Variants in ACSF2 observed in about 807,000 individuals in gnomAD.
The protein encoded by ACSF2 is medium-chain acyl-CoA ligase ACSF2, mitochondrial.
In ACSF2, 52 loss-of-function variants were observed where a neutral mutation model predicts 79.3. That is an observed-to-expected ratio of 0.66 (90% CI 0.53 to 0.83). ACSF2 has a LOEUF of 0.83. Among genes scored for constraint, ACSF2 ranks in the 40% least tolerant of loss-of-function variants. ACSF2 has a pLI of 0.00. For synonymous variants in ACSF2, 283 were observed against 312.6 expected, an observed-to-expected ratio of 0.91 and a Z score of 1.00; for missense variants, 661 against 803.3, an observed-to-expected ratio of 0.82 and a Z score of 2.14.
chr17:50,429,180 C>T (rs1045069446), intron 1 of ACSF2, among the ~76,000 whole-genome samples: 4 of 152,356 alleles, frequency 2.6e-5, no homozygotes, highest in South Asian at 2.1e-4. Flanking sequence ...TGTATGACCT[C>T]GGGCATGTTA....
chr17:50,461,305 T>G lies in ACSF2; in HGVS notation c.388T>G (p.Trp130Gly), dbSNP rs964662787. ...CTGCAAAGGTGACCGGCTGGGCATG[T>G]GGGGACCTAACTCCTATGCATGGGT... ...GLCKGDRLGM[W>G]GPNSYAWVLM... Residue 130 changes from tryptophan to glycine, a missense_variant, in exon 3 of 16, where the codon TGG becomes GGG. Transcript: ENST00000300441. The G allele has an allele frequency of 9.3e-6, 15 of 1,614,104 alleles. No homozygotes were observed. Among genetic ancestry groups the G allele is most frequent in the Non-Finnish European group, 1.2e-5 (14 of 1,179,996 alleles).
chr17:50,451,688 G>A (rs1013514542), intron 1 of ACSF2, among the ~76,000 whole-genome samples: 2 of 152,212 alleles, frequency 1.3e-5, no homozygotes, highest in Non-Finnish European at 1.5e-5. Context: ...GACCTCTGGT[G>A]ATCTGTTCGC....
intron 1 of ACSF2, among the ~76,000 whole-genome samples, chr17:50,449,010 CTTTTTTTTTT>C (rs1157696530): frequency 9.9e-6 from 1 of 101,242 alleles, no homozygotes; most frequent in African/African-American, 3.8e-5. Flanking sequence ...AATATGTAGT[CTTTTTTTTTT>C]TTTTTTTTTT....
rs1037297612 is a variant in ACSF2, at chr17:50,474,677, T to C, written c.*125T>C. 31 of 1,090,566 alleles carry C rather than the reference T, an allele frequency of 2.8e-5. No homozygotes were observed. The African/African-American group carries it at 4.2e-4, about 15-fold the overall frequency. The allele number at this position is 1,090,566 out of a possible 1,614,324, so 67.6% of individuals were successfully genotyped here. A position where few individuals can be genotyped will look rare whatever the true frequency, so the allele number is the denominator to read the frequency against. On this transcript the variant is annotated 3_prime_UTR_variant, in exon 16 of 16. Transcript: ENST00000300441. The surrounding 1 kb of genome is among the most constrained non-coding windows in gnomAD (Gnocchi z 4.2). Reference sequence around the variant, plus strand: ...GCCAGGCACATCAAATGTCAAGGAATTGACTGAACGAACTAAGAGCTCCTG... The same window carrying C: ...GCCAGGCACATCAAATGTCAAGGAACTGACTGAACGAACTAAGAGCTCCTG...
At chr17:50,427,907 CAG>C (rs934994965) in intron 1 of ACSF2, among the ~76,000 whole-genome samples, 10 of 152,210 alleles carry the variant, frequency 6.6e-5, no homozygotes, top group Admixed American at 5.9e-4. Flanking sequence ...TTTATCCAGA[CAG>C]ATGATTTTCT....
intron 1 of ACSF2, among the ~76,000 whole-genome samples, chr17:50,433,111 CTT>C (rs35016953): frequency 6.3e-5 from 9 of 143,914 alleles, no homozygotes; most frequent in Admixed American, 6.9e-5. Flanking sequence ...TTTTCTTTTT[CTT>C]TTTTTTTTTT....
At position 50,473,918 on chromosome 17, in the gene ACSF2, A is replaced by T. The variant is rs758610234; in HGVS notation, c.1642A>T (p.Met548Leu). ...GGTGGTGGGAGTGAAGGACGATCGG[A>T]TGGGGGAAGAGATTTGTGCCTGCAT... The part of the protein sequence containing the change: ...VQVVGVKDDR[M>L]GEEICACIRL... Residue 548 changes from methionine (M) to leucine (L), a missense_variant, in exon 14 of 16, where the codon ATG (methionine) becomes TTG (leucine). Met to Leu is a conservative substitution (Grantham distance 15). Coordinates refer to ENST00000300441, the MANE Select transcript of ACSF2 (RefSeq NM_025149.6). 4 of 1,582,910 alleles carry T rather than the reference A, an allele frequency of 2.5e-6. No homozygotes were observed. In the South Asian group the frequency reaches 3.5e-5, roughly 14 times the overall value.
intron 1 of ACSF2, among the ~76,000 whole-genome samples, chr17:50,458,927 A>G (rs544017677): frequency 6.6e-6 from 1 of 152,280 alleles, no homozygotes; most frequent in Admixed American, 6.5e-5. Context: ...ACCCACGAAG[A>G]GCTAATATGT....
chr17:50,465,071 T>C (rs2032609055), intron 10 of ACSF2: 2 of 575,022 alleles, frequency 3.5e-6, no homozygotes, highest in African/African-American at 3.8e-5. Flanking sequence ...CAAAGATCGA[T>C]GTCAGTACTC....
chr17:50,441,383 C>T (rs1400596735), intron 1 of ACSF2, among the ~76,000 whole-genome samples: 2 of 152,198 alleles, frequency 1.3e-5, no homozygotes, highest in African/African-American at 4.8e-5. Context: ...CCATGTTGCC[C>T]AGGCTGGTCT....
At chr17:50,438,474 T>C (rs2030613349) in intron 1 of ACSF2, among the ~76,000 whole-genome samples, 1 of 152,234 alleles carries the variant, frequency 6.6e-6, no homozygotes, top group Non-Finnish European at 1.5e-5. Flanking sequence ...CTTGCAAATA[T>C]TTAGCATTGC....
At position 50,448,697 on chromosome 17, in the gene ACSF2, G is replaced by A. The variant is rs549420558; in HGVS notation, c.129-11980G>A. Among the ~76,000 whole-genome samples the A allele has an allele frequency of 9.2e-5, 14 of 152,286 alleles. No individual in the cohort carries two copies. In the South Asian group the frequency reaches 2.5e-3, roughly 27 times the overall value. Reference sequence around the variant, plus strand: ...TGAAACAATTATCCTCGGCTACAAGGATCAAAAACAAGGGTGGCATCAGTC... The same window carrying A: ...TGAAACAATTATCCTCGGCTACAAGAATCAAAAACAAGGGTGGCATCAGTC... On this transcript the variant is annotated intron_variant, in intron 1 of 15. Transcript: ENST00000300441.
chr17:50,467,767 T>C (rs1351735500), intron 10 of ACSF2: 2 of 369,630 alleles, frequency 5.4e-6, no homozygotes, highest in Non-Finnish European at 9.7e-6. Flanking sequence ...GCACTGGAGA[T>C]GGCCCTAGGG....
rs73347966 is a variant in ACSF2, at chr17:50,434,738, G to A, written c.128+8349G>A. ...GTAGTCCTTACTAGTCTTTGTAGTC[G>A]TTTGTAGTTTGTTCTTTGTAGTTGG... On this transcript the variant is annotated intron_variant, in intron 1 of 15. Transcript: ENST00000300441. 6.8e-3 allele frequency among the ~76,000 whole-genome samples: 1,027 copies of A among 151,478 alleles called. 7 individuals carry two copies. The highest frequency in any genetic ancestry group is 0.024 in the African/African-American group (991 of 41,248).
At chr17:50,434,411 G>T (rs907156253) in intron 1 of ACSF2, among the ~76,000 whole-genome samples, 1 of 152,080 alleles carries the variant, frequency 6.6e-6, no homozygotes, top group African/African-American at 2.4e-5. Flanking sequence ...ACTGGGCTGG[G>T]TGCGGTGGCT....
At chr17:50,437,949 C>T (rs1352265086) in intron 1 of ACSF2, among the ~76,000 whole-genome samples, 1 of 152,068 alleles carries the variant, frequency 6.6e-6, no homozygotes. Context: ...AATTGAAGTC[C>T]CTTTTCTGTC....
chr17:50,452,889 C>A (rs1041000226), intron 1 of ACSF2, among the ~76,000 whole-genome samples: 3 of 152,172 alleles, frequency 2.0e-5, no homozygotes, highest in Admixed American at 6.5e-5. Context: ...CCAACTCAAC[C>A]CTGCCCTACC....
intron 1 of ACSF2, among the ~76,000 whole-genome samples, chr17:50,440,260 C>T (rs528859063): frequency 6.6e-6 from 1 of 151,508 alleles, no homozygotes; most frequent in East Asian, 1.9e-4. Context: ...GTGGCCTCAG[C>T]ATGGGGACTG....
At chr17:50,465,797 A>T (rs746224794) in intron 10 of ACSF2, 19 of 1,613,732 alleles carry the variant, frequency 1.2e-5, no homozygotes, top group Non-Finnish European at 8.5e-7. Context: ...GTTGGAGGGT[A>T]GCTGGTTCAA....
Sources: allele counts gnomAD v4.1 joint callset (sites outside exome capture counted in the v4.1 genomes callset), GRCh38; gene constraint gnomAD v4.1.1; non-coding constraint Gnocchi (gnomAD v3.1); transcripts MANE v1.5; gene names NCBI Gene and HGNC (gene_info 2026-07-23, HGNC 2026-07-21).